The following ASB3 variants were observed in gnomAD, a reference collection of about 807,000 sequenced individuals.
ASB3 encodes the protein ankyrin repeat and SOCS box protein 3.
Under a neutral mutation model 54.5 loss-of-function variants are expected in ASB3, and 41 were observed. The ratio of observed to expected loss-of-function variants is 0.75; its 90% CI spans 0.59 to 0.98. The LOEUF (loss-of-function observed/expected upper bound fraction) is 0.98. ASB3 is among the 50% of genes least tolerant of loss of function. The probability of loss-of-function intolerance (pLI) is 0.00; values close to 1 mark genes in which losing one functional copy is unlikely to be tolerated. For synonymous variants in ASB3, 266 were observed against 221.2 expected (o/e 1.20, Z -1.80); for missense variants, 733 against 620.0 (o/e 1.18, Z -1.94).
intron 9 of ASB3, among the ~76,000 whole-genome samples, chr2:53,673,063 G>A (rs1223231912): frequency 6.6e-6 from 1 of 152,102 alleles, no homozygotes; most frequent in Non-Finnish European, 1.5e-5. Flanking sequence ...AGGAACACTG[G>A]CATTCTAGAG....
At chr2:53,737,437 G>C (rs1433756759) in intron 3 of ASB3, among the ~76,000 whole-genome samples, 2 of 152,126 alleles carry the variant, frequency 1.3e-5, no homozygotes, top group East Asian at 3.9e-4. Flanking sequence ...GCAGACAGGA[G>C]GCCTCTGTGT....
At chr2:53,712,268 T>C (rs928115968) in intron 7 of ASB3, among the ~76,000 whole-genome samples, 1 of 151,750 alleles carries the variant, frequency 6.6e-6, no homozygotes, top group Non-Finnish European at 1.5e-5. Flanking sequence ...CAGCAGAAGA[T>C]AGTGAAGTAA....
chr2:53,695,730 G>A (rs143482919), intron 8 of ASB3, among the ~76,000 whole-genome samples: 1 of 152,182 alleles, frequency 6.6e-6, no homozygotes, highest in Non-Finnish European at 1.5e-5. Flanking sequence ...TCATAAACGA[G>A]TGACATTTAA....
chr2:53,736,696 C>T (rs1348708031), intron 3 of ASB3, among the ~76,000 whole-genome samples: 1 of 120,848 alleles, frequency 8.3e-6, no homozygotes, highest in Non-Finnish European at 1.7e-5. Context: ...GAGATTCCAT[C>T]TCAGAAAAAA....
chr2:53,746,081 C>G (rs1343864047), intron 3 of ASB3, among the ~76,000 whole-genome samples: 1 of 152,056 alleles, frequency 6.6e-6, no homozygotes, highest in Non-Finnish European at 1.5e-5. Flanking sequence ...AGGAGGATCG[C>G]TTGAAGACAA....
intron 9 of ASB3, among the ~76,000 whole-genome samples, chr2:53,686,410 C>G (rs1668633729): frequency 6.6e-6 from 1 of 152,134 alleles, no homozygotes; most frequent in Non-Finnish European, 1.5e-5. Context: ...GGTTTTGTGC[C>G]TTTTATATAT....
intron 1 of ASB3, chr2:53,767,852 G>T: frequency 1.3e-6 from 2 of 1,582,818 alleles, no homozygotes; most frequent in Non-Finnish European, 1.7e-6. Flanking sequence ...GACAGCTAGG[G>T]TTCACGGCCA....
At chr2:53,706,040 T>A (rs186917543) in intron 7 of ASB3, among the ~76,000 whole-genome samples, 5 of 152,296 alleles carry the variant, frequency 3.3e-5, no homozygotes, top group Admixed American at 3.3e-4. Flanking sequence ...AATTACAAAT[T>A]ACAAAGCATT....
intron 1 of ASB3, among the ~76,000 whole-genome samples, chr2:53,766,853 T>C (rs1003404315): frequency 1.3e-5 from 2 of 152,150 alleles, no homozygotes; most frequent in African/African-American, 2.4e-5. Context: ...AAACAAATAA[T>C]ACCCCTTGAA....
chr2:53,690,903 G>T (rs1234396308), intron 9 of ASB3, among the ~76,000 whole-genome samples: 4 of 152,150 alleles, frequency 2.6e-5, no homozygotes, highest in Non-Finnish European at 4.4e-5. Context: ...ACTCTGGATA[G>T]AATTATATAT....
chr2:53,724,122 T>A (rs1670860443), intron 5 of ASB3, among the ~76,000 whole-genome samples: 1 of 152,152 alleles, frequency 6.6e-6, no homozygotes, highest in Non-Finnish European at 1.5e-5. Flanking sequence ...TTAATTAAGC[T>A]CTTTAGCTTC....
intron 3 of ASB3, among the ~76,000 whole-genome samples, chr2:53,743,563 C>A (rs544508597): frequency 2.0e-4 from 30 of 151,904 alleles, no homozygotes; most frequent in African/African-American, 6.0e-4. Context: ...GTTGGAAAAG[C>A]GGGGGGAGAA....
intron 7 of ASB3, among the ~76,000 whole-genome samples, chr2:53,708,194 C>T (rs1202646319): frequency 6.6e-6 from 1 of 152,078 alleles, no homozygotes; most frequent in Non-Finnish European, 1.5e-5. Flanking sequence ...AGTGTCCTCA[C>T]AGTAGGGAGT....
chr2:53,713,515 G>A (rs1304757723), intron 7 of ASB3, among the ~76,000 whole-genome samples: 1 of 152,186 alleles, frequency 6.6e-6, no homozygotes. Context: ...CACTAACAAG[G>A]CAGCAGTAAT....
chr2:53,710,299 G>A (rs989451653), intron 7 of ASB3, among the ~76,000 whole-genome samples: 3 of 152,142 alleles, frequency 2.0e-5, no homozygotes, highest in African/African-American at 7.2e-5. Context: ...TTTGGCTATG[G>A]AGTCCATGTA....
At position 53,716,740 on chromosome 2, in the gene ASB3, G is replaced by A; in HGVS notation, c.608C>T (p.Ala203Val). The A allele has an allele frequency of 6.2e-7, 1 of 1,610,624 alleles. No individual in the cohort carries two copies. The highest frequency in any genetic ancestry group is 8.5e-7 in the Non-Finnish European group (1 of 1,177,868). Residue 203 changes from alanine to valine, a missense_variant, in exon 6 of 10, where the codon GCA becomes GTA. Coordinates refer to ENST00000263634, the MANE Select transcript of ASB3 (RefSeq NM_016115.5). Reference protein sequence around the residue: ...ESLSILISSGANVNCQALDKA... With the variant: ...ESLSILISSGVNVNCQALDKA... ...GTCCAAGGCTTGACAATTGACATTT[G>A]CACCTAAGGGTACAAAATAAAACAT... is the stretch of plus-strand genomic sequence containing the variant.
intron 9 of ASB3, among the ~76,000 whole-genome samples, chr2:53,679,154 C>T (rs184485141): frequency 1.3e-3 from 200 of 152,278 alleles, no homozygotes; most frequent in Non-Finnish European, 2.4e-3. Context: ...TGACAATACC[C>T]AGGATCAATC....
chr2:53,732,274 A>T (rs988063508), intron 3 of ASB3, among the ~76,000 whole-genome samples: 1 of 152,148 alleles, frequency 6.6e-6, no homozygotes, highest in Non-Finnish European at 1.5e-5. Flanking sequence ...CAACAGCTTT[A>T]AAAAAATAAC....
rs368579825 is a variant in ASB3, at chr2:53,750,837, C to T, written c.301G>A (p.Ala101Thr). The T allele has an allele frequency of 1.9e-6, 3 of 1,602,718 alleles. No homozygotes were observed. The highest frequency in any genetic ancestry group is 2.7e-5 in the African/African-American group (2 of 74,682). ...GTAGTTGCATTAGGATCTGCCCCAG[C>T]TTCTAAAAGAATCTGTACGATTTTC... ...HWKIVQILLEAGADPNATTLE... is the reference protein window; with the variant it reads ...HWKIVQILLETGADPNATTLE... The change falls in exon 3 of 10, where the codon GCT becomes ACT. Residue 101 changes from alanine to threonine, a missense_variant. By Grantham distance (58) the Ala-to-Thr change is moderately conservative. Transcript: ENST00000263634.
Sources: gnomAD v4.1 joint callset for allele counts (sites outside exome capture counted in the v4.1 genomes callset) on GRCh38, gnomAD v4.1.1 for gene constraint, MANE v1.5 for transcripts, NCBI Gene and HGNC (gene_info 2026-07-23, HGNC 2026-07-21) for gene names.